Variants in CTNNA3 observed in about 807,000 individuals in gnomAD.
CTNNA3 encodes the protein catenin alpha-3.
In CTNNA3, 76 loss-of-function variants were observed where a neutral mutation model predicts 95.7. The observed-to-expected ratio is 0.79, with a 90% confidence interval of 0.66 to 0.96. The LOEUF (loss-of-function observed/expected upper bound fraction) is 0.96, where lower values mean the gene tolerates loss of function less well. Ranked by LOEUF, CTNNA3 falls within the 40% of genes least tolerant of loss-of-function variation. The pLI, the probability that CTNNA3 is intolerant of heterozygous loss-of-function variation, is 0.00. For missense variants in CTNNA3, 1,191 were observed against 1,089.8 expected (o/e 1.09, Z -1.31); for synonymous variants, 431 against 374.4 (o/e 1.15, Z -1.74).
intron 13 of CTNNA3, among the ~76,000 whole-genome samples, chr10:66,261,904 A>T (rs1322061133): frequency 6.6e-6 from 1 of 151,738 alleles, no homozygotes; most frequent in African/African-American, 2.4e-5. Context: ...CCACACTTTG[A>T]CCCACTCCAA....
At chr10:66,509,297 G>T (rs1284626838) in intron 11 of CTNNA3, among the ~76,000 whole-genome samples, 1 of 151,992 alleles carries the variant, frequency 6.6e-6, no homozygotes, top group Non-Finnish European at 1.5e-5. Context: ...CTTACCAGAT[G>T]AATAGTTTTT....
chr10:65,968,863 A>C (rs1330995134), intron 16 of CTNNA3, among the ~76,000 whole-genome samples: 1 of 152,152 alleles, frequency 6.6e-6, no homozygotes, highest in Non-Finnish European at 1.5e-5. Flanking sequence ...GTACCCACTC[A>C]CTGGATTATG....
intron 13 of CTNNA3, among the ~76,000 whole-genome samples, chr10:66,109,658 G>A (rs546946588): frequency 6.6e-6 from 1 of 152,218 alleles, no homozygotes; most frequent in South Asian, 2.1e-4. Context: ...TTGCAAATAA[G>A]TATGTAAACT....
intron 14 of CTNNA3, among the ~76,000 whole-genome samples, chr10:66,087,010 C>T (rs1409662255): frequency 7.9e-5 from 12 of 152,070 alleles, no homozygotes; most frequent in Admixed American, 6.6e-4. Context: ...AGATAAATGG[C>T]ATCAGCTGTA....
chr10:65,938,971 C>T (rs1361449926), intron 17 of CTNNA3, among the ~76,000 whole-genome samples: 2 of 151,836 alleles, frequency 1.3e-5, no homozygotes, highest in South Asian at 4.2e-4. Context: ...GGCGCGATCT[C>T]GGCTCACTGC....
intron 12 of CTNNA3, among the ~76,000 whole-genome samples, chr10:66,281,992 CA>C (rs2091501124): frequency 6.6e-6 from 1 of 151,800 alleles, no homozygotes; most frequent in Non-Finnish European, 1.5e-5. Flanking sequence ...TCATTAGCCT[CA>C]AATTTTAAAT....
At position 67,210,480 on chromosome 10, in the gene CTNNA3, A is replaced by C. The variant is rs1421054989; in HGVS notation, c.843+9127T>G. Among the ~76,000 whole-genome samples, 4 of 152,172 alleles carry C rather than the reference A, an allele frequency of 2.6e-5. No individual in the cohort carries two copies. The East Asian group carries it at 7.7e-4, about 29-fold the overall frequency. On this transcript the variant is annotated intron_variant, in intron 6 of 17. Coordinates refer to ENST00000433211, the MANE Select transcript of CTNNA3 (RefSeq NM_013266.4). ...CATTCATCTATTGCCTCTTTTTTGT[A>C]CACATCTGTGGAATACAACCTGATG...
chr10:66,415,022 G>C (rs868343753), intron 11 of CTNNA3, among the ~76,000 whole-genome samples: 1 of 152,082 alleles, frequency 6.6e-6, no homozygotes, highest in African/African-American at 2.4e-5. Context: ...CCCACCTGCT[G>C]TCCTAGGCCA....
chr10:66,694,620 C>G (rs185557073), intron 9 of CTNNA3, among the ~76,000 whole-genome samples: 70 of 152,126 alleles, frequency 4.6e-4, no homozygotes, highest in Non-Finnish European at 9.1e-4. Context: ...TAATTTTTTT[C>G]TAACTTTTAA....
chr10:67,557,769 G>A (rs377596157), intron 3 of CTNNA3, among the ~76,000 whole-genome samples: 21 of 152,268 alleles, frequency 1.4e-4, no homozygotes, highest in Middle Eastern at 3.4e-3. Context: ...TGATATTAAG[G>A]CAGGAACATC....
At chr10:66,965,217 C>T (rs1313948548) in intron 7 of CTNNA3, among the ~76,000 whole-genome samples, 1 of 151,716 alleles carries the variant, frequency 6.6e-6, no homozygotes, top group Non-Finnish European at 1.5e-5. Flanking sequence ...GTTTAAAAAG[C>T]TGGGTTTTTT....
chr10:66,848,246 G>C (rs985292805), intron 7 of CTNNA3, among the ~76,000 whole-genome samples: 1 of 152,180 alleles, frequency 6.6e-6, no homozygotes, highest in African/African-American at 2.4e-5. Flanking sequence ...GATTTTTTGA[G>C]ATAGTTACAC....
In CTNNA3 at chr10:66,582,797, T is replaced by C. The variant is rs114366184; in HGVS notation, c.1374+38895A>G. 9.3e-4 allele frequency among the ~76,000 whole-genome samples: 141 copies of C among 151,906 alleles called. 1 individual carries two copies. Among genetic ancestry groups the C allele is most frequent in the African/African-American group, 3.2e-3 (132 of 41,522 alleles). The stretch of plus-strand genomic sequence containing the variant: ...GTTTGGAATATACAGCTTTAATTAT[T>C]TAGAGGTATGTTTCTTCTATGTCTA... On this transcript the variant is annotated intron_variant, in intron 10 of 17. Coordinates refer to ENST00000433211, the MANE Select transcript of CTNNA3 (RefSeq NM_013266.4).
At chr10:67,431,605 C>G (rs548036563) in intron 5 of CTNNA3, among the ~76,000 whole-genome samples, 3 of 151,764 alleles carry the variant, frequency 2.0e-5, no homozygotes, top group Admixed American at 6.6e-5. Context: ...GAAGATGCAG[C>G]CTGAAGGGTA....
intron 7 of CTNNA3, among the ~76,000 whole-genome samples, chr10:67,046,895 C>T (rs1204731396): frequency 6.6e-6 from 1 of 152,060 alleles, no homozygotes; most frequent in African/African-American, 2.4e-5. Flanking sequence ...CACTGCCTTC[C>T]TTTTACATTG....
intron 4 of CTNNA3, among the ~76,000 whole-genome samples, chr10:67,532,881 C>CA (rs1426529049): frequency 6.6e-6 from 1 of 152,126 alleles, no homozygotes; most frequent in African/African-American, 2.4e-5. Flanking sequence ...TTAACTTTCC[C>CA]AAAATCACCC....
intron 13 of CTNNA3, among the ~76,000 whole-genome samples, chr10:66,217,993 C>A (rs993064843): frequency 6.6e-6 from 1 of 152,152 alleles, no homozygotes; most frequent in Admixed American, 6.6e-5. Flanking sequence ...GAAGCTTAAA[C>A]TGTTTTCAGA....
At chr10:66,743,399 A>G (rs1378078357) in intron 9 of CTNNA3, among the ~76,000 whole-genome samples, 1 of 152,152 alleles carries the variant, frequency 6.6e-6, no homozygotes, top group African/African-American at 2.4e-5. Context: ...AGATATAGAC[A>G]TTTACTTATA....
intron 13 of CTNNA3, among the ~76,000 whole-genome samples, chr10:66,248,406 T>C (rs983173453): frequency 2.0e-5 from 3 of 150,444 alleles, no homozygotes; most frequent in African/African-American, 7.3e-5. Flanking sequence ...ATAATAACAT[T>C]ACATGTAAAT....
Sources: gnomAD v4.1 joint callset for allele counts (sites outside exome capture counted in the v4.1 genomes callset) on GRCh38, gnomAD v4.1.1 for gene constraint, MANE v1.5 for transcripts, NCBI Gene and HGNC (gene_info 2026-07-23, HGNC 2026-07-21) for gene names.